SAMMSON: variants seen among roughly 807,000 people sequenced by gnomAD.
SAMMSON encodes the protein survival associated mitochondrial melanoma specific oncogenic non-coding RNA.
At chr3:70,015,572 T>C (rs749568346) in intron 3 of SAMMSON, among the ~76,000 whole-genome samples, 8 of 152,138 alleles carry the variant, frequency 5.3e-5, no homozygotes, top group Non-Finnish European at 8.8e-5. Context: ...CTTTCTTTCT[T>C]TGTTTATTAT....
chr3:70,270,652 C>A (rs1414444461), intron 6 of SAMMSON, among the ~76,000 whole-genome samples: 2 of 152,084 alleles, frequency 1.3e-5, no homozygotes, highest in Admixed American at 6.6e-5. Flanking sequence ...TGGGATGGAT[C>A]TTTAATATAT....
intron 9 of SAMMSON, among the ~76,000 whole-genome samples, chr3:70,365,469 T>C (rs964057468): frequency 6.6e-6 from 1 of 151,794 alleles, no homozygotes; most frequent in Non-Finnish European, 1.5e-5. Flanking sequence ...GAATTTATTC[T>C]AATGTACCAA....
At chr3:70,252,389 G>A (rs1292704782) in intron 6 of SAMMSON, among the ~76,000 whole-genome samples, 2 of 152,164 alleles carry the variant, frequency 1.3e-5, no homozygotes, top group Non-Finnish European at 2.9e-5. Flanking sequence ...TTAGACAATT[G>A]GGTGTTGGGG....
At chr3:70,410,018 C>T (rs1701205795) in intron 2 of SAMMSON, among the ~76,000 whole-genome samples, 1 of 151,866 alleles carries the variant, frequency 6.6e-6, no homozygotes, top group African/African-American at 2.4e-5. Context: ...TCTACTGTTG[C>T]CATGAGATAG....
intron 3 of SAMMSON, among the ~76,000 whole-genome samples, chr3:70,033,705 G>A (rs1464406648): frequency 6.6e-6 from 1 of 152,120 alleles, no homozygotes; most frequent in Non-Finnish European, 1.5e-5. Flanking sequence ...ACTAGGGCAG[G>A]TCAGATATGA....
chr3:70,245,685 A>G, intron 4 of SAMMSON, among the ~76,000 whole-genome samples: 1 of 130,002 alleles, frequency 7.7e-6, no homozygotes, highest in East Asian at 2.3e-4. Context: ...ATATATATAT[A>G]TATATATATA....
chr3:70,084,143 C>T (rs2320441), intron 4 of SAMMSON, among the ~76,000 whole-genome samples: 1 of 152,072 alleles, frequency 6.6e-6, no homozygotes, highest in African/African-American at 2.4e-5. Flanking sequence ...TCACACGCCT[C>T]TTTCTCACTT....
intron 4 of SAMMSON, among the ~76,000 whole-genome samples, chr3:70,240,211 G>T (rs546664335): frequency 6.6e-6 from 1 of 152,086 alleles, no homozygotes; most frequent in South Asian, 2.1e-4. Context: ...TTAAGGCTTG[G>T]TAACAGAGCC....
At chr3:70,128,939 A>G (rs2067469568) in intron 4 of SAMMSON, among the ~76,000 whole-genome samples, 1 of 152,204 alleles carries the variant, frequency 6.6e-6, no homozygotes, top group African/African-American at 2.4e-5. Context: ...AGAAAGTAAT[A>G]TTTCACGGAG....
intron 3 of SAMMSON, among the ~76,000 whole-genome samples, chr3:70,039,079 A>G (rs2067096779): frequency 6.6e-6 from 1 of 152,170 alleles, no homozygotes; most frequent in Non-Finnish European, 1.5e-5. Context: ...AAGAAACAGA[A>G]CAGGAAAGGA....
intron 4 of SAMMSON, among the ~76,000 whole-genome samples, chr3:70,135,956 G>A (rs200850248): frequency 1.4e-5 from 1 of 70,750 alleles, no homozygotes; most frequent in East Asian, 4.5e-4. Context: ...TTTTTTTTTT[G>A]CACTGATTTG....
intron 7 of SAMMSON, among the ~76,000 whole-genome samples, chr3:70,342,723 A>T (rs1053620101): frequency 6.6e-6 from 1 of 152,194 alleles, no homozygotes; most frequent in African/African-American, 2.4e-5. Flanking sequence ...ACCAATGGCC[A>T]AGGGACAGTC....
At chr3:70,279,929 C>A (rs1464804809) in intron 6 of SAMMSON, among the ~76,000 whole-genome samples, 1 of 152,144 alleles carries the variant, frequency 6.6e-6, no homozygotes, top group Non-Finnish European at 1.5e-5. Flanking sequence ...TGCTTGAGAT[C>A]CTGTCTTTGC....
chr3:70,323,236 A>G (rs1278676776), intron 7 of SAMMSON, among the ~76,000 whole-genome samples: 1 of 152,136 alleles, frequency 6.6e-6, no homozygotes, highest in Admixed American at 6.6e-5. Context: ...AAAATATAAA[A>G]TTAATCCGAG....
chr3:70,176,926 G>A (rs145277207), intron 4 of SAMMSON, among the ~76,000 whole-genome samples: 130 of 152,266 alleles, frequency 8.5e-4, no homozygotes, highest in African/African-American at 1.7e-3. Context: ...TGAAGGGTGC[G>A]AGTATCACAG....
At chr3:70,009,462 T>C (rs917582240) in intron 1 of SAMMSON, among the ~76,000 whole-genome samples, 1 of 152,218 alleles carries the variant, frequency 6.6e-6, no homozygotes, top group African/African-American at 2.4e-5. Context: ...TAGTTTGTAT[T>C]TCTGTGGGAT....
At chr3:70,019,465 C>A (rs954066685) in intron 3 of SAMMSON, among the ~76,000 whole-genome samples, 12 of 152,080 alleles carry the variant, frequency 7.9e-5, no homozygotes, top group African/African-American at 2.9e-4. Context: ...TTATTTTGAG[C>A]CTATGTGTGT....
chr3:70,062,222 G>A (rs2067193323), intron 3 of SAMMSON, among the ~76,000 whole-genome samples: 1 of 151,930 alleles, frequency 6.6e-6, no homozygotes, highest in Non-Finnish European at 1.5e-5. Flanking sequence ...TGTTAAGGAG[G>A]CCTCTCCTGA....
chr3:70,113,133 A>G (rs2067396180), intron 4 of SAMMSON, among the ~76,000 whole-genome samples: 1 of 152,210 alleles, frequency 6.6e-6, no homozygotes, highest in East Asian at 1.9e-4. Flanking sequence ...TCCTTTCAGA[A>G]TAAAATGGAC....
Sources: gnomAD v4.1 joint callset for allele counts (sites outside exome capture counted in the v4.1 genomes callset) on GRCh38, gnomAD v4.1.1 for gene constraint, MANE v1.5 for transcripts, NCBI Gene and HGNC (gene_info 2026-07-23, HGNC 2026-07-21) for gene names.